APBA1: variants seen among roughly 807,000 people sequenced by gnomAD.
The protein encoded by APBA1 is amyloid-beta A4 precursor protein-binding family A member 1.
APBA1 carries 55 observed loss-of-function variants against 86.6 expected under a neutral mutation model. The observed-to-expected ratio is 0.64, with a 90% CI of 0.51 to 0.80. The LOEUF (loss-of-function observed/expected upper bound fraction) is 0.80. APBA1 is among the 30% of genes least tolerant of loss of function. The pLI is 0.00. For missense variants in APBA1, 1,090 were observed against 1,183.0 expected (o/e 0.92, Z 1.15); for synonymous variants, 511 against 493.9 (o/e 1.03, Z -0.46).
chr9:69,575,308 T>G (rs1320109512), intron 1 of APBA1, among the ~76,000 whole-genome samples: 1 of 152,060 alleles, frequency 6.6e-6, no homozygotes, highest in Non-Finnish European at 1.5e-5. Flanking sequence ...TTCAATGCCA[T>G]CCCCATCAAG....
intron 1 of APBA1, among the ~76,000 whole-genome samples, chr9:69,593,063 G>A (rs1413900753): frequency 6.6e-6 from 1 of 152,196 alleles, no homozygotes; most frequent in African/African-American, 2.4e-5. Flanking sequence ...ATACTGCAGA[G>A]TAATTATCAC....
chr9:69,448,460 AAG>A (rs1696907742), intron 10 of APBA1, among the ~76,000 whole-genome samples: 1 of 152,270 alleles, frequency 6.6e-6, no homozygotes, highest in Non-Finnish European at 1.5e-5. Context: ...AAAGAAATTA[AAG>A]GAGGCCAAAG....
In APBA1 at chr9:69,428,784, T is replaced by C. The variant is rs1280322929; in HGVS notation, c.*2543A>G. On this transcript the variant is annotated 3_prime_UTR_variant, in exon 13 of 13. Transcript: ENST00000265381. ...ACCTAGGCTCACTCCCTTGCCCCAG[T>C]GGTAGTGGGAAAAAGAACCCACTTC... 4 of 152,170 alleles carry C rather than the reference T, an allele frequency of 2.6e-5. No homozygotes were observed. The highest frequency in any genetic ancestry group is 9.7e-5 in the African/African-American group (4 of 41,444). 9.4% of individuals were successfully genotyped at this position (152,170 alleles called of 1,614,324 possible). A position where few individuals can be genotyped will look rare whatever the true frequency, so the allele number is the denominator to read the frequency against.
At position 69,428,464 on chromosome 9, in the gene APBA1, G is replaced by A. The variant is rs1292528761; in HGVS notation, c.*2863C>T. 1 of 152,266 alleles carries A rather than the reference G, an allele frequency of 6.6e-6. No homozygotes were observed. Among genetic ancestry groups the A allele is most frequent in the Non-Finnish European group, 1.5e-5 (1 of 68,098 alleles). 9.4% of individuals were successfully genotyped at this position (152,266 alleles called of 1,614,324 possible). ...CCTGAAATGCTCACACTGGAGAAAA[G>A]GCAGGATGGGTTCTGGTGCCTCTGC... On this transcript the variant is annotated 3_prime_UTR_variant, in exon 13 of 13. Coordinates refer to ENST00000265381, the MANE Select transcript of APBA1 (RefSeq NM_001163.4).
intron 1 of APBA1, among the ~76,000 whole-genome samples, chr9:69,557,532 A>G (rs1836881576): frequency 1.3e-5 from 2 of 152,174 alleles, no homozygotes; most frequent in African/African-American, 4.8e-5. Flanking sequence ...GCCTGCCATC[A>G]GAAATGTTTA....
chr9:69,667,667 C>T (rs941627942), intron 1 of APBA1, among the ~76,000 whole-genome samples: 6 of 151,434 alleles, frequency 4.0e-5, no homozygotes, highest in African/African-American at 1.2e-4. Context: ...TTGTTCTCCT[C>T]AGCTTATAAA....
intron 1 of APBA1, among the ~76,000 whole-genome samples, chr9:69,662,021 AACACACAC>A (rs3069250): frequency 2.5e-4 from 37 of 146,742 alleles, no homozygotes; most frequent in Admixed American, 1.4e-3. Context: ...GACAAACAGT[AACACACAC>A]ACACACACAC....
intron 2 of APBA1, among the ~76,000 whole-genome samples, chr9:69,483,043 G>A (rs1417307586): frequency 1.4e-5 from 2 of 147,876 alleles, no homozygotes; most frequent in South Asian, 2.1e-4. Context: ...TGGGTGCAGC[G>A]CACCAGCATG....
At chr9:69,564,762 T>C (rs1235288273) in intron 1 of APBA1, among the ~76,000 whole-genome samples, 1 of 152,212 alleles carries the variant, frequency 6.6e-6, no homozygotes, top group African/African-American at 2.4e-5. Flanking sequence ...GAAGACTGTA[T>C]GGCTGTTTCT....
intron 1 of APBA1, among the ~76,000 whole-genome samples, chr9:69,575,259 A>T (rs1261692934): frequency 6.6e-6 from 1 of 152,128 alleles, no homozygotes; most frequent in Non-Finnish European, 1.5e-5. Flanking sequence ...TATTATCAAT[A>T]TCGTGAAAAT....
intron 1 of APBA1, among the ~76,000 whole-genome samples, chr9:69,540,122 GCAACAA>G (rs56405500): frequency 1.9e-3 from 279 of 148,572 alleles, no homozygotes; most frequent in African/African-American, 6.3e-3. Flanking sequence ...CTCCATCTCG[GCAACAA>G]CAACAACAAC....
At chr9:69,458,285 G>T in intron 5 of APBA1, 97 bp from the exon 6 acceptor site, 2 of 1,095,574 alleles carry the variant, frequency 1.8e-6, no homozygotes, top group Admixed American at 2.5e-5. Flanking sequence ...ATACTGAATA[G>T]TGGCATAAAG....
At chr9:69,546,769 TA>T (rs1213439644) in intron 1 of APBA1, among the ~76,000 whole-genome samples, 1 of 152,196 alleles carries the variant, frequency 6.6e-6, no homozygotes, top group Non-Finnish European at 1.5e-5. Context: ...GGTTTAGAGT[TA>T]AAAGATATAA....
chr9:69,431,297 C>T lies in APBA1; in HGVS notation c.*30G>A. 1 of 1,562,376 alleles carries T rather than the reference C, an allele frequency of 6.4e-7. No homozygotes were observed. The highest frequency in any genetic ancestry group is 1.4e-5 in the African/African-American group (1 of 73,162). ...AAACACAACCACGAAGAGGAGAGTC[C>T]TCCATGCATGCCACCGCGTGTGGCC... is the stretch of plus-strand genomic sequence containing the variant. On this transcript the variant is annotated 3_prime_UTR_variant, in exon 13 of 13. Transcript: ENST00000265381.
chr9:69,482,315 C>G (rs1474800579), intron 2 of APBA1, among the ~76,000 whole-genome samples: 1 of 152,086 alleles, frequency 6.6e-6, no homozygotes, highest in East Asian at 1.9e-4. Flanking sequence ...GGGCAAAGGA[C>G]ATGAATAGAC....
chr9:69,471,624 T>TC (rs1835367862), intron 4 of APBA1, 32 bp downstream of exon 4: 5 of 1,593,314 alleles, frequency 3.1e-6, no homozygotes, highest in East Asian at 2.2e-5. Context: ...CATGAATGAC[T>TC]CAGTGCTCAG....
intron 1 of APBA1, among the ~76,000 whole-genome samples, chr9:69,575,495 G>A (rs2133951749): frequency 6.6e-6 from 1 of 152,246 alleles, no homozygotes; most frequent in South Asian, 2.1e-4. Context: ...CATGGTACTG[G>A]TACCAAAACA....
At chr9:69,633,097 TC>T (rs1823082150) in intron 1 of APBA1, among the ~76,000 whole-genome samples, 1 of 151,698 alleles carries the variant, frequency 6.6e-6, no homozygotes, top group South Asian at 2.1e-4. Context: ...TTTTTTTTTT[TC>T]CACCAGTAAC....
At chr9:69,605,030 G>T (rs1361206391) in intron 1 of APBA1, among the ~76,000 whole-genome samples, 1 of 152,190 alleles carries the variant, frequency 6.6e-6, no homozygotes, top group African/African-American at 2.4e-5. Context: ...TGCCAATTCG[G>T]TTATGACTCA....
Sources: allele counts gnomAD v4.1 joint callset (sites outside exome capture counted in the v4.1 genomes callset), GRCh38; gene constraint gnomAD v4.1.1; transcripts MANE v1.5; gene names NCBI Gene and HGNC (gene_info 2026-07-23, HGNC 2026-07-21).